The following ITPR1 variants were observed in gnomAD, a reference collection of about 807,000 sequenced individuals.
ITPR1 encodes inositol 1,4,5-trisphosphate receptor type 1, also known as inositol 1,4,5-trisphosphate-gated calcium channel ITPR1.
A neutral mutation model predicts 318.4 loss-of-function variants in ITPR1; 96 were observed. The ratio of observed to expected loss-of-function variants is 0.30; its 90% CI spans 0.26 to 0.36. The LOEUF (loss-of-function observed/expected upper bound fraction) is 0.36, where lower values mean the gene tolerates loss of function less well. ITPR1 is among the 10% of genes least tolerant of loss of function. The pLI, the probability that ITPR1 is intolerant of heterozygous loss-of-function variation, is 1.00. For synonymous variants in ITPR1, 1,312 were observed against 1,289.9 expected (o/e 1.02, Z -0.37); for missense variants, 2,440 against 3,460.2 (o/e 0.71, Z 7.40).
intron 61 of ITPR1, among the ~76,000 whole-genome samples, chr3:4,840,704 G>A (rs1013185536): frequency 1.2e-4 from 18 of 152,174 alleles, no homozygotes; most frequent in Non-Finnish European, 2.5e-4. Flanking sequence ...GCTATTCTAA[G>A]TATTATTTAA....
intron 38 of ITPR1, 200 bp from the exon 39 acceptor site, chr3:4,711,557 T>C (rs1245857510): frequency 3.6e-6 from 2 of 550,292 alleles, no homozygotes; most frequent in African/African-American, 1.9e-5. Context: ...TTTGCTGTGA[T>C]TTACCAGCAG....
At chr3:4,540,226 T>C (rs1409537220) in intron 4 of ITPR1, among the ~76,000 whole-genome samples, 1 of 152,144 alleles carries the variant, frequency 6.6e-6, no homozygotes, top group Non-Finnish European at 1.5e-5. Context: ...ACTAAATATT[T>C]ATCATTATGT....
chr3:4,586,498 C>T (rs959154130), intron 4 of ITPR1, among the ~76,000 whole-genome samples: 1 of 145,136 alleles, frequency 6.9e-6, no homozygotes, highest in African/African-American at 2.5e-5. Context: ...CGGCAAGTAG[C>T]CTTGAGTGCT....
intron 44 of ITPR1, among the ~76,000 whole-genome samples, chr3:4,739,465 G>A (rs1046936209): frequency 1.3e-5 from 2 of 152,182 alleles, no homozygotes; most frequent in South Asian, 4.1e-4. Context: ...AATGTATACA[G>A]TCTGCCCTCT....
Position 4,559,605 on chromosome 3 carries a change from G to A in ITPR1, c.163+38511G>A, listed in dbSNP as rs144259889. On this transcript the variant is annotated intron_variant, in intron 4 of 61. Coordinates refer to ENST00000649015, the MANE Select transcript of ITPR1 (RefSeq NM_001378452.1). ...GTATTTTTTAGTCTAATCAGAGAGG[G>A]CAGTTTGTGGACATGCCTGCCAAAG... 2.2e-3 allele frequency among the ~76,000 whole-genome samples: 331 copies of A among 152,256 alleles called. 1 individual carries two copies. Among genetic ancestry groups the A allele is most frequent in the African/African-American group, 7.4e-3 (308 of 41,532 alleles).
chr3:4,582,044 T>C (rs1341096838), intron 4 of ITPR1, among the ~76,000 whole-genome samples: 2 of 152,062 alleles, frequency 1.3e-5, no homozygotes, highest in Non-Finnish European at 2.9e-5. Context: ...TTTAGCACAT[T>C]TCCTAATGCT....
intron 4 of ITPR1, among the ~76,000 whole-genome samples, chr3:4,562,448 G>C (rs2086777402): frequency 6.6e-6 from 1 of 152,080 alleles, no homozygotes; most frequent in Non-Finnish European, 1.5e-5. Context: ...CTGATAGTAT[G>C]TGCAAAAAGA....
chr3:4,669,237 T>A (rs866518563), intron 18 of ITPR1, among the ~76,000 whole-genome samples: 6 of 152,170 alleles, frequency 3.9e-5, no homozygotes, highest in South Asian at 2.1e-4. Context: ...ACAGTGAAAT[T>A]AGTAATTTCC....
At chr3:4,692,603 T>C (rs1463983387) in intron 32 of ITPR1, among the ~76,000 whole-genome samples, 1 of 152,208 alleles carries the variant, frequency 6.6e-6, no homozygotes, top group East Asian at 1.9e-4. Flanking sequence ...TGCCAGCCCT[T>C]TCTGGGTTTT....
intron 12 of ITPR1, among the ~76,000 whole-genome samples, chr3:4,657,772 A>G (rs1486657440): frequency 6.6e-6 from 1 of 151,262 alleles, no homozygotes; most frequent in Admixed American, 6.6e-5. Context: ...GCCTGGGCTA[A>G]TTTTTTGTAT....
rs774013859 is a variant in ITPR1 at position 4,645,539 on chromosome 3, T to C, written c.709-43T>C. 5 of 1,608,826 alleles carry C rather than the reference T, an allele frequency of 3.1e-6. No individual in the cohort carries two copies. The East Asian group carries it at 1.1e-4, about 36-fold the overall frequency. ...TGGGGGCAGCAGTCTAATTCTCTTT[T>C]TAAATTCTTTTTTCCTTAATTCTTT... On this transcript the variant is annotated intron_variant, in intron 9 of 61. Coordinates refer to ENST00000649015, the MANE Select transcript of ITPR1 (RefSeq NM_001378452.1).
chr3:4,681,497 A>G, intron 26 of ITPR1, 79 bp downstream of exon 26: 1 of 975,234 alleles, frequency 1.0e-6, no homozygotes, highest in Non-Finnish European at 1.6e-6. Context: ...TTATTATGTT[A>G]GTAAATATTT....
At chr3:4,771,719 A>G (rs1246280146) in intron 46 of ITPR1, among the ~76,000 whole-genome samples, 1 of 151,990 alleles carries the variant, frequency 6.6e-6, no homozygotes, top group Non-Finnish European at 1.5e-5. Flanking sequence ...GTTGGGGTGT[A>G]TAGTATATTT....
chr3:4,549,650 G>A (rs2085362085), intron 4 of ITPR1, among the ~76,000 whole-genome samples: 1 of 152,006 alleles, frequency 6.6e-6, no homozygotes. Flanking sequence ...CTGAAAAGTG[G>A]GGCTGCCGTC....
At chr3:4,735,022 T>C in intron 43 of ITPR1, 142 bp from the exon 44 acceptor site, 1 of 659,894 alleles carries the variant, frequency 1.5e-6, no homozygotes, top group Non-Finnish European at 2.6e-6. Context: ...ATAATCAGTA[T>C]TTTCCTTGTG....
At chr3:4,557,286 A>C (rs2086223795) in intron 4 of ITPR1, among the ~76,000 whole-genome samples, 4 of 152,184 alleles carry the variant, frequency 2.6e-5, no homozygotes, top group Admixed American at 2.6e-4. Context: ...GAGCAGGTGC[A>C]GGGGAACTCT....
chr3:4,617,007 C>T (rs919183687), intron 4 of ITPR1, among the ~76,000 whole-genome samples: 2 of 151,720 alleles, frequency 1.3e-5, no homozygotes, highest in African/African-American at 2.4e-5. Flanking sequence ...TGCTTGTGGA[C>T]GTAGTGAGAT....
At chr3:4,630,016 A>G (rs2092964056) in intron 5 of ITPR1, among the ~76,000 whole-genome samples, 1 of 152,204 alleles carries the variant, frequency 6.6e-6, no homozygotes, top group Admixed American at 6.6e-5. Flanking sequence ...CCTTCTTTAG[A>G]GCAAATATTA....
intron 44 of ITPR1, among the ~76,000 whole-genome samples, chr3:4,760,486 A>G (rs780628313): frequency 3.9e-5 from 6 of 152,168 alleles, no homozygotes; most frequent in Non-Finnish European, 7.4e-5. Context: ...GTAGACTTTG[A>G]TTCGATATGA....
Sources: allele counts gnomAD v4.1 joint callset (sites outside exome capture counted in the v4.1 genomes callset), GRCh38; gene constraint gnomAD v4.1.1; transcripts MANE v1.5; gene names NCBI Gene and HGNC (gene_info 2026-07-23, HGNC 2026-07-21).